Variants in TBC1D4 observed in about 807,000 individuals in gnomAD.
TBC1D4 encodes the protein TBC1 domain family member 4.
Under a neutral mutation model 142.5 loss-of-function variants are expected in TBC1D4, and 121 were observed. The observed-to-expected ratio is 0.85, with a 90% CI of 0.73 to 0.99. The LOEUF (loss-of-function observed/expected upper bound fraction) is 0.99. TBC1D4 is among the 50% of genes least tolerant of loss of function. The pLI is 0.00. For missense variants in TBC1D4, 1,475 were observed against 1,606.6 expected, an observed-to-expected ratio of 0.92 and a Z score of 1.40; for synonymous variants, 630 against 628.2, an observed-to-expected ratio of 1.00 and a Z score of -0.04.
chr13:75,288,793 C>T (rs1486605669), intron 20 of TBC1D4, 141 bp downstream of exon 20: 1 of 862,910 alleles, frequency 1.2e-6, no homozygotes, highest in Non-Finnish European at 1.9e-6. Context: ...TTTGTAGCCC[C>T]AGAGCACTTG....
At chr13:75,463,772 G>C (rs1259563030) in intron 1 of TBC1D4, among the ~76,000 whole-genome samples, 2 of 152,110 alleles carry the variant, frequency 1.3e-5, no homozygotes, top group Admixed American at 1.3e-4. Flanking sequence ...ATAGAAATAA[G>C]AACTCCTGAT....
chr13:75,324,407 T>C lies in TBC1D4; in HGVS notation c.2034-6A>G. ...GTCGAACTGACGAAAGATTGCTGAG[T>C]ACAGAAAATACAGCAAATATGTCTT... On this transcript the variant is annotated splice_region_variant and splice_polypyrimidine_tract_variant and intron_variant, in intron 10 of 20. Coordinates refer to ENST00000377636, the MANE Select transcript of TBC1D4 (RefSeq NM_014832.5). 1 of 1,613,776 alleles carries C rather than the reference T, an allele frequency of 6.2e-7. No individual in the cohort carries two copies. The highest frequency in any genetic ancestry group is 1.1e-5 in the South Asian group (1 of 91,054).
intron 1 of TBC1D4, among the ~76,000 whole-genome samples, chr13:75,395,727 G>A (rs1884761586): frequency 6.6e-6 from 1 of 152,142 alleles, no homozygotes; most frequent in Non-Finnish European, 1.5e-5. Flanking sequence ...ATACTTAGGA[G>A]GCTGGGGCAG....
At chr13:75,369,643 C>A (rs7983928) in intron 1 of TBC1D4, among the ~76,000 whole-genome samples, 1 of 152,240 alleles carries the variant, frequency 6.6e-6, no homozygotes, top group Non-Finnish European at 1.5e-5. Flanking sequence ...TGTTTATCTA[C>A]AGAAAAGATA....
chr13:75,382,894 T>C (rs1883931362), intron 1 of TBC1D4, among the ~76,000 whole-genome samples: 1 of 152,260 alleles, frequency 6.6e-6, no homozygotes, highest in Non-Finnish European at 1.5e-5. Flanking sequence ...CACCCGTCTC[T>C]TTTGACTTCT....
intron 11 of TBC1D4, among the ~76,000 whole-genome samples, chr13:75,320,898 G>A (rs1013945168): frequency 2.0e-5 from 3 of 150,444 alleles, no homozygotes; most frequent in Non-Finnish European, 4.4e-5. Context: ...AAATTAGCCG[G>A]GCATGGTGGC....
chr13:75,468,162 T>C (rs1371873553), intron 1 of TBC1D4, among the ~76,000 whole-genome samples: 1 of 152,200 alleles, frequency 6.6e-6, no homozygotes, highest in African/African-American at 2.4e-5. Flanking sequence ...AATCATGATC[T>C]GGATTTTTCA....
intron 3 of TBC1D4, 102 bp downstream of exon 3, chr13:75,359,667 A>G: frequency 2.2e-6 from 2 of 913,756 alleles, no homozygotes; most frequent in Non-Finnish European, 1.7e-6. Flanking sequence ...TTTAAATTTC[A>G]AAAAAAATTA....
chr13:75,393,044 C>T (rs901457079), intron 1 of TBC1D4, among the ~76,000 whole-genome samples: 7 of 151,598 alleles, frequency 4.6e-5, no homozygotes, highest in African/African-American at 1.7e-4. Context: ...CTTATGTAGA[C>T]CTGCAGTCAT....
At chr13:75,458,106 C>T (rs939341794) in intron 1 of TBC1D4, among the ~76,000 whole-genome samples, 5 of 152,074 alleles carry the variant, frequency 3.3e-5, no homozygotes, top group Admixed American at 6.6e-5. Context: ...TCTTGGTACC[C>T]GGGTCCTTGT....
rs1411577865 is a variant in TBC1D4, at chr13:75,287,957, AC to A, written c.3664-933del. Reference sequence around the variant, plus strand: ...TCTCCCCGAAGACTTCAGAAGGGTCACCTGCTAGCCCCCATCCTGTGATCAC... The same window carrying A: ...TCTCCCCGAAGACTTCAGAAGGGTCACTGCTAGCCCCCATCCTGTGATCAC... On this transcript the variant is annotated intron_variant, in intron 20 of 20. Coordinates refer to ENST00000377636, the MANE Select transcript of TBC1D4 (RefSeq NM_014832.5). Among the ~76,000 whole-genome samples, 8 of 152,252 alleles carry A rather than the reference AC, an allele frequency of 5.3e-5. No homozygotes were observed. The East Asian group carries it at 1.4e-3, about 26-fold the overall frequency.
At chr13:75,319,935 C>G in intron 12 of TBC1D4, 79 bp downstream of exon 12, 7 of 1,523,806 alleles carry the variant, frequency 4.6e-6, no homozygotes, top group Non-Finnish European at 6.3e-6. Flanking sequence ...AACAAAACTG[C>G]TTTTTAAACT....
At chr13:75,391,450 A>G (rs1417766584) in intron 1 of TBC1D4, among the ~76,000 whole-genome samples, 1 of 152,056 alleles carries the variant, frequency 6.6e-6, no homozygotes, top group Non-Finnish European at 1.5e-5. Context: ...GCTAAACCCA[A>G]CGGTTAATTC....
intron 1 of TBC1D4, among the ~76,000 whole-genome samples, chr13:75,420,354 T>C (rs1277974339): frequency 6.6e-6 from 1 of 151,786 alleles, no homozygotes; most frequent in Non-Finnish European, 1.5e-5. Context: ...CAAAAATAGT[T>C]ACAAAAAAAA....
At chr13:75,319,934 G>T in intron 12 of TBC1D4, 80 bp downstream of exon 12, 1 of 1,509,642 alleles carries the variant, frequency 6.6e-7, no homozygotes, top group African/African-American at 1.4e-5. Flanking sequence ...AAACAAAACT[G>T]CTTTTTAAAC....
intron 1 of TBC1D4, chr13:75,367,028 G>A (rs78678433): frequency 0.014 from 13,178 of 969,160 alleles, 97 homozygotes; most frequent in Non-Finnish European, 0.016. Context: ...ATAAGCTGGC[G>A]GTATTTTCAT....
At chr13:75,467,326 A>G (rs562663321) in intron 1 of TBC1D4, among the ~76,000 whole-genome samples, 1 of 152,356 alleles carries the variant, frequency 6.6e-6, no homozygotes, top group East Asian at 1.9e-4. Flanking sequence ...CATCATCAGC[A>G]ATATCTATGT....
intron 2 of TBC1D4, among the ~76,000 whole-genome samples, chr13:75,360,786 A>G (rs1263414701): frequency 2.0e-5 from 3 of 152,136 alleles, no homozygotes; most frequent in Non-Finnish European, 2.9e-5. Context: ...TTACTTTTGA[A>G]GCTGTACTTG....
intron 1 of TBC1D4, among the ~76,000 whole-genome samples, chr13:75,410,707 C>T (rs1008295659): frequency 1.8e-4 from 27 of 151,928 alleles, no homozygotes; most frequent in African/African-American, 5.3e-4. Context: ...GAGGCCGAGG[C>T]GGGCGGATCA....
Sources: gnomAD v4.1 joint callset for allele counts (sites outside exome capture counted in the v4.1 genomes callset) on GRCh38, gnomAD v4.1.1 for gene constraint, MANE v1.5 for transcripts, NCBI Gene and HGNC (gene_info 2026-07-23, HGNC 2026-07-21) for gene names.